Variants in SPAG17 observed in about 807,000 individuals in gnomAD.
The protein encoded by SPAG17 is sperm-associated antigen 17.
A neutral mutation model predicts 273.6 loss-of-function variants in SPAG17; 169 were observed. The ratio of observed to expected loss-of-function variants is 0.62; its 90% CI spans 0.55 to 0.70. The LOEUF (loss-of-function observed/expected upper bound fraction) is 0.70. Among genes scored for constraint, SPAG17 ranks in the 30% least tolerant of loss-of-function variants. SPAG17 has a pLI of 0.00. For missense variants in SPAG17, 2,557 were observed against 2,627.8 expected, an observed-to-expected ratio of 0.97 and a Z score of 0.59; for synonymous variants, 825 against 873.2, an observed-to-expected ratio of 0.94 and a Z score of 0.97.
chr1:118,040,785 G>A lies in SPAG17; in HGVS notation c.3111C>T (p.Tyr1037=), dbSNP rs10923477. The change falls in exon 22 of 49, where the codon TAC becomes TAT. Residue 1037 remains tyrosine, a synonymous_variant. Coordinates refer to ENST00000336338, the MANE Select transcript of SPAG17 (RefSeq NM_206996.4). ...IPTQISGSNY[Y]LYPSDGGQIE... ...TCTGCCCCCCATCAGAAGGATACAG[G>A]TAGTAATTTGACCCTGAGATTTGAG... 688,211 of 1,598,588 alleles carry A rather than the reference G, an allele frequency of 0.43. 154,543 individuals are homozygous for A. Among genetic ancestry groups the A allele is most frequent in the Non-Finnish European group, 0.46 (542,042 of 1,165,966 alleles).
At chr1:117,979,195 C>T (rs1426789673) in intron 43 of SPAG17, among the ~76,000 whole-genome samples, 1 of 152,070 alleles carries the variant, frequency 6.6e-6, no homozygotes, top group Non-Finnish European at 1.5e-5. Flanking sequence ...ATGGCCTTTA[C>T]TAGCTCTTCC....
At chr1:118,100,619 T>C (rs1334737271) in intron 5 of SPAG17, among the ~76,000 whole-genome samples, 7 of 152,184 alleles carry the variant, frequency 4.6e-5, no homozygotes, top group Non-Finnish European at 8.8e-5. Flanking sequence ...AATGTTGATA[T>C]TGCCCATGGA....
intron 10 of SPAG17, 104 bp downstream of exon 10, chr1:118,091,502 C>T (rs1053985251): frequency 9.2e-6 from 6 of 652,208 alleles, no homozygotes; most frequent in African/African-American, 7.4e-5. Flanking sequence ...GGAGAATGCA[C>T]TTAGGTATTA....
intron 7 of SPAG17, among the ~76,000 whole-genome samples, chr1:118,096,582 A>G (rs1009233239): frequency 1.3e-5 from 2 of 152,156 alleles, no homozygotes; most frequent in African/African-American, 2.4e-5. Context: ...GAGACCTGAG[A>G]GATTTTCTGT....
intron 23 of SPAG17, 132 bp from the exon 24 acceptor site, chr1:118,037,015 C>T (rs1328315460): frequency 4.7e-6 from 3 of 641,546 alleles, no homozygotes; most frequent in Non-Finnish European, 5.4e-6. Context: ...ATTGGTTTAG[C>T]TTGACCATGC....
Position 117,991,467 on chromosome 1 carries a change from G to C in SPAG17, c.5423C>G (p.Ser1808Cys). The change falls in exon 37 of 49, where the codon TCC becomes TGC. Residue 1808 changes from serine to cysteine, a missense_variant. Coordinates refer to ENST00000336338, the MANE Select transcript of SPAG17 (RefSeq NM_206996.4). ...DELQEMMVKD[S>C]RTEEERGNAA... ...ATTGCCTCTCTCCTCCTCAGTTCTG[G>C]AATCTTTAACCATCATTTCCTGCAG... is the stretch of plus-strand genomic sequence containing the variant. 1 of 1,612,270 alleles carries C rather than the reference G, an allele frequency of 6.2e-7. No homozygotes were observed. The highest frequency in any genetic ancestry group is 8.5e-7 in the Non-Finnish European group (1 of 1,179,044).
At chr1:118,077,051 A>T (rs1654159228) in intron 15 of SPAG17, among the ~76,000 whole-genome samples, 1 of 152,198 alleles carries the variant, frequency 6.6e-6, no homozygotes, top group East Asian at 1.9e-4. Context: ...AAAAGCACAA[A>T]TATTCAGCCC....
At chr1:118,108,317 A>G (rs915151247) in intron 4 of SPAG17, among the ~76,000 whole-genome samples, 2 of 152,138 alleles carry the variant, frequency 1.3e-5, no homozygotes, top group Non-Finnish European at 2.9e-5. Flanking sequence ...CCAAGCCCCA[A>G]TCATAGGAAA....
intron 3 of SPAG17, among the ~76,000 whole-genome samples, chr1:118,120,941 T>C (rs1351298159): frequency 6.6e-6 from 1 of 152,176 alleles, no homozygotes; most frequent in African/African-American, 2.4e-5. Flanking sequence ...TAGTGGCTGA[T>C]GAAGTATTTT....
intron 43 of SPAG17, among the ~76,000 whole-genome samples, chr1:117,975,082 T>C (rs562676035): frequency 6.6e-6 from 1 of 152,260 alleles, no homozygotes; most frequent in East Asian, 1.9e-4. Flanking sequence ...TCTTGCATAC[T>C]AGGTTATGGA....
intron 3 of SPAG17, among the ~76,000 whole-genome samples, chr1:118,126,529 T>A (rs1217012598): frequency 2.0e-5 from 3 of 151,980 alleles, no homozygotes; most frequent in Non-Finnish European, 4.4e-5. Context: ...ATCCATTTTT[T>A]AATTAGATTT....
Position 118,032,839 on chromosome 1 carries a change from C to T in SPAG17, c.3434-972G>A, listed in dbSNP as rs1648636344. 2.0e-5 allele frequency among the ~76,000 whole-genome samples: 3 copies of T among 152,196 alleles called. No homozygotes were observed. The South Asian group carries it at 6.2e-4, about 32-fold the overall frequency. ...GAACTCCTGACCTCAAGTGATCCGC[C>T]CACCTCGGCCTCCAAAGTGCTGGGA... is the stretch of plus-strand genomic sequence containing the variant. On this transcript the variant is annotated intron_variant, in intron 24 of 48. Transcript: ENST00000336338.
At chr1:117,982,511 G>T (rs560179687) in intron 42 of SPAG17, among the ~76,000 whole-genome samples, 1 of 152,270 alleles carries the variant, frequency 6.6e-6, no homozygotes, top group South Asian at 2.1e-4. Context: ...AAAGTGCTGG[G>T]ATTACAGGCG....
Position 117,973,442 on chromosome 1 carries a change from ACTTAGG to A in SPAG17, c.6118_6123del (p.Pro2040_Lys2041del). ...TGTTTTACCTTTGCAAGAGGTTGAG[ACTTAGG>A]CTTGGAACTCAGCAAATAATGAGGC... On this transcript the variant is annotated inframe_deletion, in exon 44 of 49. Coordinates refer to ENST00000336338, the MANE Select transcript of SPAG17 (RefSeq NM_206996.4). 1 of 1,613,362 alleles carries A rather than the reference ACTTAGG, an allele frequency of 6.2e-7. No individual in the cohort carries two copies. Among genetic ancestry groups the A allele is most frequent in the Non-Finnish European group, 8.5e-7 (1 of 1,179,486 alleles).
chr1:117,959,035 A>T, intron 48 of SPAG17: 1 of 1,596,434 alleles, frequency 6.3e-7, no homozygotes, highest in Non-Finnish European at 8.6e-7. Flanking sequence ...TAAAATAATG[A>T]GGCAAATTCC....
intron 4 of SPAG17, among the ~76,000 whole-genome samples, chr1:118,102,392 C>T (rs1656127342): frequency 6.6e-6 from 1 of 152,204 alleles, no homozygotes; most frequent in African/African-American, 2.4e-5. Context: ...AGATGTTTTG[C>T]TAAAATCTCC....
chr1:118,125,448 C>T (rs1657663904), intron 3 of SPAG17, among the ~76,000 whole-genome samples: 1 of 152,112 alleles, frequency 6.6e-6, no homozygotes, highest in South Asian at 2.1e-4. Context: ...TATTCACCTA[C>T]AGTGCTATAG....
At chr1:117,959,363 G>A (rs1416166567) in intron 48 of SPAG17, 6 of 1,613,904 alleles carry the variant, frequency 3.7e-6, no homozygotes, top group East Asian at 2.2e-5. Flanking sequence ...GTGAAGTTAT[G>A]TTTTTTGCTG....
chr1:117,956,918 A>T (rs367579371), intron 48 of SPAG17: 16 of 578,636 alleles, frequency 2.8e-5, no homozygotes, highest in African/African-American at 2.5e-4. Flanking sequence ...AAAGAGAGTC[A>T]TCTAGCTTAC....
Sources: allele counts gnomAD v4.1 joint callset (sites outside exome capture counted in the v4.1 genomes callset), GRCh38; gene constraint gnomAD v4.1.1; transcripts MANE v1.5; gene names NCBI Gene and HGNC (gene_info 2026-07-23, HGNC 2026-07-21).